OPCML: variants seen among roughly 807,000 people sequenced by gnomAD.
OPCML encodes the protein opioid binding protein/cell adhesion molecule like.
OPCML carries 13 observed loss-of-function variants against 37.8 expected under a neutral mutation model. The observed-to-expected ratio is 0.34, with a 90% CI of 0.22 to 0.55. OPCML has a LOEUF of 0.55. Among genes scored for constraint, OPCML ranks in the 20% least tolerant of loss-of-function variants. OPCML has a pLI of 0.91. For synonymous variants in OPCML, 176 were observed against 168.8 expected (o/e 1.04, Z -0.33); for missense variants, 341 against 435.6 (o/e 0.78, Z 1.93).
At chr11:132,883,824 C>A (rs1205590070) in intron 2 of OPCML, among the ~76,000 whole-genome samples, 1 of 152,158 alleles carries the variant, frequency 6.6e-6, no homozygotes, top group East Asian at 1.9e-4. Context: ...TCGCAAATTG[C>A]CCAAGAGCCC....
At chr11:132,505,506 T>C (rs1029481967) in intron 4 of OPCML, among the ~76,000 whole-genome samples, 1 of 104,080 alleles carries the variant, frequency 9.6e-6, no homozygotes, top group Non-Finnish European at 2.3e-5. Flanking sequence ...AGGAAAAGGC[T>C]GCTTAAGGGG....
intron 2 of OPCML, among the ~76,000 whole-genome samples, chr11:132,684,824 A>G (rs1591723565): frequency 6.6e-6 from 1 of 152,296 alleles, no homozygotes; most frequent in East Asian, 1.9e-4. Context: ...TTGTAAGATG[A>G]TCAATGTCTC....
At chr11:133,319,944 G>T (rs930848113) in intron 1 of OPCML, among the ~76,000 whole-genome samples, 7 of 152,204 alleles carry the variant, frequency 4.6e-5, no homozygotes, top group African/African-American at 1.7e-4. Flanking sequence ...CATCAGGTTG[G>T]TGTGGGACCA....
At chr11:133,025,726 A>ATTTTTTTTTTTTTTTTTTTTTTTTTTTTT (rs869296316) in intron 1 of OPCML, among the ~76,000 whole-genome samples, 1 of 91,342 alleles carries the variant, frequency 1.1e-5, no homozygotes, top group Non-Finnish European at 2.0e-5. Context: ...TGCCGATTTG[A>ATTTTTTTTTTTTTTTTTTTTTTTTTTTTT]TTTTTTTTTT....
chr11:133,269,564 G>GT (rs1224217642), intron 1 of OPCML, among the ~76,000 whole-genome samples: 4 of 151,886 alleles, frequency 2.6e-5, no homozygotes, highest in Non-Finnish European at 5.9e-5. Context: ...TATTACTCAT[G>GT]TTTTTTCTTT....
At chr11:132,552,010 T>A (rs2096382838) in intron 3 of OPCML, among the ~76,000 whole-genome samples, 1 of 152,204 alleles carries the variant, frequency 6.6e-6, no homozygotes, top group Admixed American at 6.5e-5. Context: ...AGGGTTTCCA[T>A]CTGAGTCTGG....
intron 1 of OPCML, among the ~76,000 whole-genome samples, chr11:132,998,555 C>T (rs1028505077): frequency 6.6e-6 from 1 of 152,174 alleles, no homozygotes; most frequent in African/African-American, 2.4e-5. Context: ...AAACAATCCC[C>T]AACACAATTC....
At chr11:133,125,224 T>A (rs979523988) in intron 1 of OPCML, among the ~76,000 whole-genome samples, 4 of 152,086 alleles carry the variant, frequency 2.6e-5, no homozygotes, top group Non-Finnish European at 5.9e-5. Flanking sequence ...TATATAGACT[T>A]GCATCCATTT....
intron 2 of OPCML, among the ~76,000 whole-genome samples, chr11:132,680,953 T>C (rs953174694): frequency 2.6e-5 from 4 of 152,136 alleles, no homozygotes; most frequent in Non-Finnish European, 5.9e-5. Context: ...AGCGTGGTGT[T>C]GGTGATGGTA....
chr11:132,661,577 G>A (rs573632107), intron 2 of OPCML, among the ~76,000 whole-genome samples: 14 of 152,242 alleles, frequency 9.2e-5, no homozygotes, highest in African/African-American at 3.4e-4. Flanking sequence ...AAGCACAGAG[G>A]GGAACACTTT....
intron 1 of OPCML, among the ~76,000 whole-genome samples, chr11:133,455,049 T>C (rs1946648515): frequency 6.6e-6 from 1 of 152,226 alleles, no homozygotes; most frequent in Non-Finnish European, 1.5e-5. Context: ...TGTTTTTCTA[T>C]GGCTTAGCTT....
At chr11:132,995,503 T>C (rs1946866853) in intron 1 of OPCML, among the ~76,000 whole-genome samples, 1 of 152,152 alleles carries the variant, frequency 6.6e-6, no homozygotes, top group African/African-American at 2.4e-5. Flanking sequence ...CCTTCCTTTT[T>C]TCTTTCCTTT....
chr11:132,969,977 C>A (rs1483914742), intron 1 of OPCML, among the ~76,000 whole-genome samples: 2 of 152,010 alleles, frequency 1.3e-5, no homozygotes, highest in Non-Finnish European at 2.9e-5. Flanking sequence ...TTTCCTGATT[C>A]TTTTCGTGTC....
chr11:132,459,068 T>C (rs578195240), intron 4 of OPCML, among the ~76,000 whole-genome samples: 9 of 152,344 alleles, frequency 5.9e-5, no homozygotes, highest in African/African-American at 2.2e-4. Flanking sequence ...CTTCCCAATG[T>C]GGGCAGGCAT....
chr11:133,082,381 C>A (rs1387539707), intron 1 of OPCML, among the ~76,000 whole-genome samples: 4 of 142,154 alleles, frequency 2.8e-5, no homozygotes, highest in African/African-American at 1.1e-4. Flanking sequence ...TCCCCACCCT[C>A]CCCTCTTCCC....
Position 133,307,841 on chromosome 11 carries a change from G to A in OPCML, c.61+224423C>T, listed in dbSNP as rs115070161. ...ACCAATCTTATTTATGCTTTCTCTT[G>A]TTTCCAAGTTTTTTTTTTTTAAATT... On this transcript the variant is annotated intron_variant, in intron 1 of 7. Coordinates refer to ENST00000524381, the MANE Select transcript of OPCML (RefSeq NM_001012393.5). Among the ~76,000 whole-genome samples the A allele has an allele frequency of 5.7e-3, 851 of 150,542 alleles. 8 individuals carry two copies. Among genetic ancestry groups the A allele is most frequent in the African/African-American group, 0.02 (815 of 41,184 alleles).
intron 1 of OPCML, among the ~76,000 whole-genome samples, chr11:133,229,838 C>A (rs1464925192): frequency 6.6e-6 from 1 of 152,184 alleles, no homozygotes; most frequent in South Asian, 2.1e-4. Flanking sequence ...CCAGACCTGT[C>A]CAAAGCCTTT....
intron 1 of OPCML, among the ~76,000 whole-genome samples, chr11:133,124,726 T>C (rs1294380590): frequency 6.6e-6 from 1 of 152,112 alleles, no homozygotes; most frequent in Non-Finnish European, 1.5e-5. Flanking sequence ...GCAGAACCCA[T>C]CTGATTTGGA....
intron 7 of OPCML, among the ~76,000 whole-genome samples, chr11:132,429,678 C>A (rs1022673142): frequency 1.3e-5 from 2 of 152,146 alleles, no homozygotes; most frequent in African/African-American, 4.8e-5. Context: ...TGTTCAGAGG[C>A]CATCAATCTT....
Sources: allele counts gnomAD v4.1 joint callset (sites outside exome capture counted in the v4.1 genomes callset), GRCh38; gene constraint gnomAD v4.1.1; transcripts MANE v1.5; gene names NCBI Gene and HGNC (gene_info 2026-07-23, HGNC 2026-07-21).